The following MYO18B variants were observed in gnomAD, a reference collection of about 807,000 sequenced individuals.
MYO18B encodes unconventional myosin-XVIIIb.
Under a neutral mutation model 273.0 loss-of-function variants are expected in MYO18B, and 204 were observed. That is an observed-to-expected ratio of 0.75 (90% CI 0.67 to 0.84). The LOEUF is 0.84. Ranked by LOEUF, MYO18B falls within the 40% of genes least tolerant of loss-of-function variation. The pLI is 0.00. For synonymous variants in MYO18B, 1,330 were observed against 1,305.7 expected (o/e 1.02, Z -0.40); for missense variants, 3,212 against 3,287.6 (o/e 0.98, Z 0.56).
intron 33 of MYO18B, among the ~76,000 whole-genome samples, chr22:25,911,918 C>T (rs182590359): frequency 9.4e-4 from 143 of 152,296 alleles, no homozygotes; most frequent in African/African-American, 2.7e-3. Flanking sequence ...AATCCCAACA[C>T]GGGAGAGAAA....
chr22:25,941,145 C>T (rs2092639228), intron 34 of MYO18B, among the ~76,000 whole-genome samples: 1 of 152,140 alleles, frequency 6.6e-6, no homozygotes, highest in African/African-American at 2.4e-5. Flanking sequence ...ATCTAATGAA[C>T]TTAAACTAAA....
chr22:25,909,301 C>CCTAT (rs747478661), intron 32 of MYO18B, among the ~76,000 whole-genome samples: 1 of 152,170 alleles, frequency 6.6e-6, no homozygotes, highest in Non-Finnish European at 1.5e-5. Context: ...CTGAATCATA[C>CCTAT]CTATGTACAG....
intron 22 of MYO18B, among the ~76,000 whole-genome samples, chr22:25,872,644 A>G (rs1354037538): frequency 6.6e-6 from 1 of 152,062 alleles, no homozygotes; most frequent in Non-Finnish European, 1.5e-5. Context: ...ACTTGCTTGT[A>G]AAGGATCGTG....
intron 34 of MYO18B, among the ~76,000 whole-genome samples, chr22:25,945,720 TCCC>T (rs555053553): frequency 2.8e-3 from 26 of 9,280 alleles, no homozygotes; most frequent in African/African-American, 0.013. Context: ...TCGCCTCCCC[TCCC>T]CTCCCCTCGC....
rs539366415 is a variant in MYO18B at position 25,895,147 on chromosome 22, G to A, written c.4544-9G>A. On this transcript the variant is annotated splice_polypyrimidine_tract_variant and intron_variant, in intron 27 of 43. Coordinates refer to ENST00000335473, the MANE Select transcript of MYO18B (RefSeq NM_032608.7). ...CTCTTATCCTGGTCTCCCTGACTCC[G>A]TTAAACAGCAGACGAGTGGCAGATG... 18 of 1,612,422 alleles carry A rather than the reference G, an allele frequency of 1.1e-5. No homozygotes were observed. Among genetic ancestry groups the A allele is most frequent in the Middle Eastern group, 3.3e-4 (2 of 6,058 alleles).
chr22:26,028,887 C>CAAAA (rs554144546), intron 43 of MYO18B, among the ~76,000 whole-genome samples: 1,707 of 75,602 alleles, frequency 0.023, 72 homozygotes, highest in African/African-American at 0.071. Context: ...GACTCCGTCT[C>CAAAA]AAAAAAAAAA....
intron 21 of MYO18B, among the ~76,000 whole-genome samples, chr22:25,863,646 T>C (rs1435782229): frequency 6.6e-6 from 1 of 152,232 alleles, no homozygotes; most frequent in Admixed American, 6.5e-5. Context: ...ATCAAACATC[T>C]TGAATATTTG....
chr22:25,937,879 C>A (rs759197012), intron 34 of MYO18B, among the ~76,000 whole-genome samples: 1 of 152,148 alleles, frequency 6.6e-6, no homozygotes, highest in Non-Finnish European at 1.5e-5. Flanking sequence ...GCCACCGCTC[C>A]CGGCCGACAT....
At chr22:25,826,013 T>G (rs2089476541) in intron 13 of MYO18B, among the ~76,000 whole-genome samples, 1 of 152,188 alleles carries the variant, frequency 6.6e-6, no homozygotes, top group African/African-American at 2.4e-5. Context: ...ACGCCCAGCC[T>G]CATGAAGGAG....
rs763721666 is a variant in MYO18B, at chr22:25,908,394, G to A, written c.5221G>A (p.Glu1741Lys). Reference protein sequence around the residue: ...MHQKDREDQEEELEDVRQSCQ... With the variant: ...MHQKDREDQEKELEDVRQSCQ... Reference sequence around the variant, plus strand: ...CCAGAAGGACCGTGAGGACCAGGAGGAGGAACTGGAGGATGTCCGTCAGTC... The same window carrying A: ...CCAGAAGGACCGTGAGGACCAGGAGAAGGAACTGGAGGATGTCCGTCAGTC... Residue 1741 changes from glutamate to lysine, a missense_variant, in exon 32 of 44, where the codon GAG becomes AAG. Transcript: ENST00000335473. 17 of 1,600,542 alleles carry A rather than the reference G, an allele frequency of 1.1e-5. No individual in the cohort carries two copies. Among genetic ancestry groups the A allele is most frequent in the Non-Finnish European group, 1.4e-5 (17 of 1,173,860 alleles).
the MYO18B span, among the ~76,000 whole-genome samples, chr22:26,039,131 G>A: frequency 2.0e-5 from 3 of 152,128 alleles, no homozygotes; most frequent in African/African-American, 4.8e-5. Flanking sequence ...TCTGTTCTTG[G>A]TGCTCTGGCA....
chr22:25,815,297 G>A (rs775161964), intron 12 of MYO18B, among the ~76,000 whole-genome samples: 22 of 152,188 alleles, frequency 1.4e-4, no homozygotes, highest in Non-Finnish European at 2.8e-4. Flanking sequence ...TGCTAGCTGA[G>A]TGATCTCAGG....
intron 24 of MYO18B, among the ~76,000 whole-genome samples, chr22:25,876,608 C>A (rs968704211): frequency 6.6e-6 from 1 of 151,272 alleles, no homozygotes; most frequent in Non-Finnish European, 1.5e-5. Context: ...CAGAGAAGCT[C>A]AATGGGCAGA....
chr22:25,894,618 A>T (rs1245838965), intron 27 of MYO18B: 1 of 152,228 alleles, frequency 6.6e-6, no homozygotes, highest in African/African-American at 2.4e-5. Context: ...TTGCTAATTT[A>T]CTCATTTGTT....
chr22:25,871,143 A>G (rs910644333), intron 22 of MYO18B, among the ~76,000 whole-genome samples: 2 of 152,126 alleles, frequency 1.3e-5, no homozygotes, highest in African/African-American at 4.8e-5. Flanking sequence ...GTAATAATGG[A>G]GAAGGCTATG....
At chr22:25,766,896 G>A (rs1370064871) in intron 3 of MYO18B, among the ~76,000 whole-genome samples, 5 of 152,210 alleles carry the variant, frequency 3.3e-5, no homozygotes, top group Non-Finnish European at 7.3e-5. Flanking sequence ...AGCAGTTCAC[G>A]GGCTGTGGCA....
intron 12 of MYO18B, among the ~76,000 whole-genome samples, chr22:25,809,326 A>G (rs60504311): frequency 0.066 from 10,025 of 152,184 alleles, 579 homozygotes; most frequent in East Asian, 0.21. Context: ...CTATTGGTCC[A>G]CCTGCCTCCT....
intron 34 of MYO18B, among the ~76,000 whole-genome samples, chr22:25,922,562 C>T (rs573909692): frequency 6.6e-5 from 10 of 152,256 alleles, no homozygotes; most frequent in South Asian, 4.1e-4. Flanking sequence ...TACCTTCCCT[C>T]GGATAAGTCA....
intron 13 of MYO18B, 75 bp from the exon 14 acceptor site, chr22:25,826,334 T>C: frequency 9.2e-7 from 1 of 1,081,766 alleles, no homozygotes; most frequent in South Asian, 1.5e-5. Context: ...GAGTGGTCCC[T>C]ACTGCTCTGC....
Sources: allele counts gnomAD v4.1 joint callset (sites outside exome capture counted in the v4.1 genomes callset), GRCh38; gene constraint gnomAD v4.1.1; transcripts MANE v1.5; gene names NCBI Gene and HGNC (gene_info 2026-07-23, HGNC 2026-07-21).